Variants in NFKBIE observed in about 807,000 individuals in gnomAD.
NFKBIE encodes the protein NF-kappa-B inhibitor epsilon.
In NFKBIE, 11 loss-of-function variants were observed where a neutral mutation model predicts 31.6. That is an observed-to-expected ratio of 0.35 (90% CI 0.22 to 0.58). The LOEUF (loss-of-function observed/expected upper bound fraction) is 0.58. Ranked by LOEUF, NFKBIE falls within the 20% of genes least tolerant of loss-of-function variation. The pLI, the probability that NFKBIE is intolerant of heterozygous loss-of-function variation, is 0.83. For missense variants in NFKBIE, 354 were observed against 465.7 expected (o/e 0.76, Z 2.21); for synonymous variants, 208 against 210.1 (o/e 0.99, Z 0.09).
rs1184760530 is a variant in NFKBIE at position 44,265,392 on chromosome 6, C to A, written c.-46G>T. ...GGGGCCCGGTCTGAGCAGGATCCGG[C>A]TCCAGGCTCCGCCGCGCCGCCTTTC... On this transcript the variant is annotated 5_prime_UTR_variant, in exon 1 of 6. Transcript: ENST00000619360. The A allele has an allele frequency of 1.3e-6, 2 of 1,554,944 alleles. No homozygotes were observed. Among genetic ancestry groups the A allele is most frequent in the East Asian group, 2.4e-5 (1 of 41,268 alleles).
In NFKBIE at chr6:44,260,826, A is replaced by AACACACACACACACACACACAC. The variant is rs369958691; in HGVS notation, c.692-309_692-288dup. Among the ~76,000 whole-genome samples the AACACACACACACACACACACAC allele has an allele frequency of 4.6e-4, 55 of 119,174 alleles. No individual in the cohort carries two copies. The highest frequency in any genetic ancestry group is 8.2e-4 in the Admixed American group (9 of 10,990). 78.2% of individuals were successfully genotyped at this position (119,174 alleles called of 152,430 possible). On this transcript the variant is annotated intron_variant, in intron 3 of 5. Coordinates refer to ENST00000619360, the MANE Select transcript of NFKBIE (RefSeq NM_004556.3). This position sits in a 1 kb window ranked among gnomAD's most constrained non-coding sequence, Gnocchi z 5.5. ...CACCCTCCTCCTATACACAAACTACAACACACACACACACACACACACACA... is the reference window on the plus strand; with the variant it reads ...CACCCTCCTCCTATACACAAACTACAACACACACACACACACACACACACACACACACACACACACACACACA...
rs1452263060 is a variant in NFKBIE at position 44,263,286 on chromosome 6, G to A, written c.366-624C>T. Among the ~76,000 whole-genome samples the A allele has an allele frequency of 6.6e-6, 1 of 152,204 alleles. No individual in the cohort carries two copies. Among genetic ancestry groups the A allele is most frequent in the African/African-American group, 2.4e-5 (1 of 41,464 alleles). ...ATTCCTGTGTGCACCTCCAAGAGGA[G>A]GTCTTTGTAGTGCAGAAAATGTATT... On this transcript the variant is annotated intron_variant, in intron 1 of 5. Transcript: ENST00000619360. The surrounding 1 kb of genome is among the most constrained non-coding windows in gnomAD (Gnocchi z 5.0).
intron 5 of NFKBIE, 34 bp from the exon 6 acceptor site, chr6:44,259,318 GGACATGGGAAAAGGT>G: frequency 6.4e-7 from 1 of 1,556,774 alleles, no homozygotes; most frequent in South Asian, 1.1e-5. Flanking sequence ...CAAGATCAGA[GGACATGGGAAAAGGT>G]GACTTGGGAA....
Position 44,265,332 on chromosome 6 carries a change from C to A in NFKBIE, c.15G>T (p.Arg5=). Residue 5 remains arginine, a synonymous_variant, in exon 1 of 6, where the codon CGG becomes CGT. Coordinates refer to ENST00000619360, the MANE Select transcript of NFKBIE (RefSeq NM_004556.3). MSEA[R]KGPDEAEESQ... ...TCTCCTCCGCCTCGTCCGGCCCCTT[C>A]CGCGCCTCCGACATGCCCGCGGCTC... 6.4e-7 allele frequency: 1 copy of A among 1,553,750 alleles called. No homozygotes were observed. Among genetic ancestry groups the A allele is most frequent in the East Asian group, 2.4e-5 (1 of 41,610 alleles).
Position 44,265,376 on chromosome 6 carries a change from T to C in NFKBIE, c.-30A>G. ...GCGGCTCTGGCCGGCCGGGGCCCGGTCTGAGCAGGATCCGGCTCCAGGCTC... is the reference window on the plus strand; with the variant it reads ...GCGGCTCTGGCCGGCCGGGGCCCGGCCTGAGCAGGATCCGGCTCCAGGCTC... On this transcript the variant is annotated 5_prime_UTR_variant, in exon 1 of 6. Coordinates refer to ENST00000619360, the MANE Select transcript of NFKBIE (RefSeq NM_004556.3). The C allele has an allele frequency of 6.4e-7, 1 of 1,564,734 alleles. No homozygotes were observed. The highest frequency in any genetic ancestry group is 8.6e-7 in the Non-Finnish European group (1 of 1,162,162).
chr6:44,260,866 C>CACACACACACAG lies in NFKBIE; in HGVS notation c.692-328_692-327insCTGTGTGTGTGT, dbSNP rs1781884832. Among the ~76,000 whole-genome samples the CACACACACACAG allele has an allele frequency of 3.5e-5, 5 of 142,912 alleles. No individual in the cohort carries two copies. The highest frequency in any genetic ancestry group is 2.3e-4 in the South Asian group (1 of 4,390). The allele number at this position is 142,912 out of a possible 152,430, so 93.8% of individuals were successfully genotyped here. A position where few individuals can be genotyped will look rare whatever the true frequency, so the allele number is the denominator to read the frequency against. On this transcript the variant is annotated intron_variant, in intron 3 of 5. Coordinates refer to ENST00000619360, the MANE Select transcript of NFKBIE (RefSeq NM_004556.3). The surrounding 1 kb of genome is among the most constrained non-coding windows in gnomAD (Gnocchi z 5.5). ...ACACACACACACACATACAGACACA[C>CACACACACACAG]ACACACACACACACACACACACACA...
Position 44,261,914 on chromosome 6 carries a change from G to A in NFKBIE, c.469-66C>T. 1.4e-6 allele frequency: 2 copies of A among 1,427,862 alleles called. No individual in the cohort carries two copies. The highest frequency in any genetic ancestry group is 1.4e-5 in the African/African-American group (1 of 70,968). The allele number at this position is 1,427,862 out of a possible 1,614,324, so 88.4% of individuals were successfully genotyped here. A position where few individuals can be genotyped will look rare whatever the true frequency, so the allele number is the denominator to read the frequency against. ...GCTCCCACCTCTGGGAACATGCTTG[G>A]GCTCAAGAATCACCAGCTGCCAGCA... is the stretch of plus-strand genomic sequence containing the variant. On this transcript the variant is annotated intron_variant, in intron 2 of 5. Coordinates refer to ENST00000619360, the MANE Select transcript of NFKBIE (RefSeq NM_004556.3). The surrounding 1 kb of genome is among the most constrained non-coding windows in gnomAD (Gnocchi z 4.3).
chr6:44,261,657 G>A lies in NFKBIE; in HGVS notation c.660C>T (p.His220=), dbSNP rs1277251655. 13 of 1,614,106 alleles carry A rather than the reference G, an allele frequency of 8.1e-6. No homozygotes were observed. The highest frequency in any genetic ancestry group is 1.1e-5 in the Non-Finnish European group (13 of 1,180,036). Residue 220 remains histidine (H), a synonymous_variant, in exon 3 of 6, where the codon CAC becomes CAT. Transcript: ENST00000619360. This position sits in a 1 kb window ranked among gnomAD's most constrained non-coding sequence, Gnocchi z 4.3. ...AGTTTTGCAGCTGGAGGTCCAGAGA[G>A]TGAGATGTTCCTCTGCCTGGCTCTG... The part of the protein sequence containing the change: ...GRPEPGRGTS[H]SLDLQLQNWQ...
At chr6:44,262,694 G>A in intron 1 of NFKBIE, 32 bp from the exon 2 acceptor site, 8 of 1,578,808 alleles carry the variant, frequency 5.1e-6, no homozygotes, top group Non-Finnish European at 7.0e-6. Flanking sequence ...TTAGAGTTAA[G>A]GGCCCAGGCC....
chr6:44,260,661 C>A lies in NFKBIE; in HGVS notation c.692-122G>T. On this transcript the variant is annotated intron_variant, in intron 3 of 5. Coordinates refer to ENST00000619360, the MANE Select transcript of NFKBIE (RefSeq NM_004556.3). The surrounding 1 kb of genome is among the most constrained non-coding windows in gnomAD (Gnocchi z 5.5). ...ACAGCCCACTCAATGTCTCTAATCA[C>A]AAGACTGTTAAAATGCAAACCCCAA... The A allele has an allele frequency of 1.1e-6, 1 of 913,382 alleles. No individual in the cohort carries two copies. 56.6% of individuals were successfully genotyped at this position (913,382 alleles called of 1,614,324 possible). A position where few individuals can be genotyped will look rare whatever the true frequency, so the allele number is the denominator to read the frequency against.
rs1781919654 is a variant in NFKBIE at position 44,261,500 on chromosome 6, G to A, written c.691+126C>T. On this transcript the variant is annotated intron_variant, in intron 3 of 5. Coordinates refer to ENST00000619360, the MANE Select transcript of NFKBIE (RefSeq NM_004556.3). This position sits in a 1 kb window ranked among gnomAD's most constrained non-coding sequence, Gnocchi z 4.3. The stretch of plus-strand genomic sequence containing the variant: ...TGGCAAAGATGTACTGAATATCTAT[G>A]TGCTTACAGTGGGAGGGGCACCAAT... The A allele has an allele frequency of 5.9e-6, 5 of 853,822 alleles. No individual in the cohort carries two copies. Among genetic ancestry groups the A allele is most frequent in the Non-Finnish European group, 7.4e-6 (4 of 543,730 alleles). 52.9% of individuals were successfully genotyped at this position (853,822 alleles called of 1,614,324 possible). A position where few individuals can be genotyped will look rare whatever the true frequency, so the allele number is the denominator to read the frequency against.
rs1781762943 is a variant in NFKBIE at position 44,258,525 on chromosome 6, T to A, written c.*694A>T. 1 of 152,326 alleles carries A rather than the reference T, an allele frequency of 6.6e-6. No individual in the cohort carries two copies. The highest frequency in any genetic ancestry group is 2.1e-4 in the South Asian group (1 of 4,822). 9.4% of individuals were successfully genotyped at this position (152,326 alleles called of 1,614,324 possible). On this transcript the variant is annotated 3_prime_UTR_variant, in exon 6 of 6. Coordinates refer to ENST00000619360, the MANE Select transcript of NFKBIE (RefSeq NM_004556.3). ...TCTGTGCTGGACACAGAGAAAGGCCTGGAACTACTGGCCTCTGACCCCACC... is the reference window on the plus strand; with the variant it reads ...TCTGTGCTGGACACAGAGAAAGGCCAGGAACTACTGGCCTCTGACCCCACC...
At position 44,265,413 on chromosome 6, in the gene NFKBIE, C is replaced by T. The variant is rs1345988762; in HGVS notation, c.-67G>A. On this transcript the variant is annotated 5_prime_UTR_variant, in exon 1 of 6. Transcript: ENST00000619360. ...CCGGCTCCAGGCTCCGCCGCGCCGCCTTTCCGGGTTGCGGGTCCGCTTGGC... is the reference window on the plus strand; with the variant it reads ...CCGGCTCCAGGCTCCGCCGCGCCGCTTTTCCGGGTTGCGGGTCCGCTTGGC... 8 of 1,544,462 alleles carry T rather than the reference C, an allele frequency of 5.2e-6. No homozygotes were observed. The highest frequency in any genetic ancestry group is 6.1e-6 in the Non-Finnish European group (7 of 1,152,280).
At chr6:44,262,387 T>A (rs1303970600) in intron 2 of NFKBIE, among the ~76,000 whole-genome samples, 173 bp downstream of exon 2, 1 of 152,198 alleles carries the variant, frequency 6.6e-6, no homozygotes, top group Non-Finnish European at 1.5e-5. Context: ...CAGCCCAGGA[T>A]GCAAGCACCT....
At position 44,262,544 on chromosome 6, in the gene NFKBIE, TTC is replaced by T. The variant is rs749106779; in HGVS notation, c.468+14_468+15del. ...CACAAACAGGTATCTGGGCATAACA[TTC>T]TCTCGCCACCAACCTGGTAAAGGTT... On this transcript the variant is annotated intron_variant, in intron 2 of 5. Transcript: ENST00000619360. 6.8e-6 allele frequency: 11 copies of T among 1,610,200 alleles called. No homozygotes were observed. In the African/African-American group the frequency reaches 1.3e-4, roughly 20 times the overall value.
chr6:44,259,078 T>C lies in NFKBIE; in HGVS notation c.*141A>G. The C allele has an allele frequency of 1.2e-6, 1 of 808,654 alleles. No individual in the cohort carries two copies. The highest frequency in any genetic ancestry group is 1.8e-5 in the Admixed American group (1 of 54,074). The allele number at this position is 808,654 out of a possible 1,614,324, so 50.1% of individuals were successfully genotyped here. ...GTCCCTCCTCCTCGGCTCAGGACTG[T>C]ACTGGCTGGCCCCAGGCTCTGGCCA... On this transcript the variant is annotated 3_prime_UTR_variant, in exon 6 of 6. Transcript: ENST00000619360.
Position 44,260,870 on chromosome 6 carries a change from C to CACATACAG in NFKBIE, c.692-332_692-331insCTGTATGT, listed in dbSNP as rs1781886078. ...ACACACACACATACAGACACACACA[C>CACATACAG]ACACACACACACACACACACAACCT... On this transcript the variant is annotated intron_variant, in intron 3 of 5. Coordinates refer to ENST00000619360, the MANE Select transcript of NFKBIE (RefSeq NM_004556.3). This position sits in a 1 kb window ranked among gnomAD's most constrained non-coding sequence, Gnocchi z 5.5. 7.0e-6 allele frequency among the ~76,000 whole-genome samples: 1 copy of CACATACAG among 142,342 alleles called. No homozygotes were observed. Among genetic ancestry groups the CACATACAG allele is most frequent in the Non-Finnish European group, 1.6e-5 (1 of 63,542 alleles). The allele number at this position is 142,342 out of a possible 152,430, so 93.4% of individuals were successfully genotyped here.
In NFKBIE at chr6:44,265,258, G is replaced by A; in HGVS notation, c.89C>T (p.Pro30Leu). 6.4e-7 allele frequency: 1 copy of A among 1,552,448 alleles called. No homozygotes were observed. The highest frequency in any genetic ancestry group is 8.7e-7 in the Non-Finnish European group (1 of 1,147,938). ...IESLRSLRSL[P>L]ESTSAPASGP... is the part of the protein sequence containing the mutation. ...GGAGGCTGGAGCCGAGGTGGACTCG[G>A]GTAGGGAGCGCAGAGAGCGCAGAGA... Residue 30 changes from proline (P) to leucine (L), a missense_variant, in exon 1 of 6, where the codon CCC becomes CTC. Pro to Leu is a moderately conservative substitution (Grantham distance 98). This residue lies in a region of NFKBIE where 171 missense variants were observed against 155.1 expected (regional missense o/e 1.10). Transcript: ENST00000619360.
rs765482726 is a variant in NFKBIE, at chr6:44,265,397, G to A, written c.-51C>T. On this transcript the variant is annotated 5_prime_UTR_variant, in exon 1 of 6. Transcript: ENST00000619360. The stretch of plus-strand genomic sequence containing the variant: ...CCGGTCTGAGCAGGATCCGGCTCCA[G>A]GCTCCGCCGCGCCGCCTTTCCGGGT... 3 of 1,551,858 alleles carry A rather than the reference G, an allele frequency of 1.9e-6. No individual in the cohort carries two copies. The highest frequency in any genetic ancestry group is 1.2e-5 in the South Asian group (1 of 84,934).
Sources: allele counts gnomAD v4.1 joint callset (sites outside exome capture counted in the v4.1 genomes callset), GRCh38; gene constraint gnomAD v4.1.1; regional missense constraint gnomAD v4.1.1; non-coding constraint Gnocchi (gnomAD v3.1); transcripts MANE v1.5; gene names NCBI Gene and HGNC (gene_info 2026-07-23, HGNC 2026-07-21).